The following CNTNAP2 variants were observed in gnomAD, a reference collection of about 807,000 sequenced individuals.
CNTNAP2 encodes the protein contactin-associated protein-like 2.
A neutral mutation model predicts 155.2 loss-of-function variants in CNTNAP2; 98 were observed. The observed-to-expected ratio is 0.63, with a 90% CI of 0.54 to 0.75. CNTNAP2 has a LOEUF of 0.75. Among genes scored for constraint, CNTNAP2 ranks in the 30% least tolerant of loss-of-function variants. The probability of loss-of-function intolerance (pLI) is 0.00; values close to 1 mark genes in which losing one functional copy is unlikely to be tolerated. For missense variants in CNTNAP2, 1,727 were observed against 1,688.1 expected (o/e 1.02, Z -0.40); for synonymous variants, 651 against 631.2 (o/e 1.03, Z -0.47).
At chr7:147,690,508 A>C (rs1796071812) in intron 13 of CNTNAP2, among the ~76,000 whole-genome samples, 1 of 152,172 alleles carries the variant, frequency 6.6e-6, no homozygotes, top group South Asian at 2.1e-4. Flanking sequence ...CCACAATCAT[A>C]CATAGACTCT....
chr7:147,278,086 A>C (rs1292619058), intron 8 of CNTNAP2, among the ~76,000 whole-genome samples: 1 of 149,438 alleles, frequency 6.7e-6, no homozygotes, highest in Admixed American at 6.7e-5. Context: ...ATGGATATTC[A>C]TTTATATATT....
At chr7:147,726,111 G>T (rs982702411) in intron 13 of CNTNAP2, among the ~76,000 whole-genome samples, 2 of 151,894 alleles carry the variant, frequency 1.3e-5, no homozygotes, top group African/African-American at 4.8e-5. Context: ...GGAATCAGGG[G>T]GATAACGAGA....
rs564628092 is a variant in CNTNAP2, at chr7:146,624,661, A to G, written c.98-149610A>G. Among the ~76,000 whole-genome samples, 3 of 152,050 alleles carry G rather than the reference A, an allele frequency of 2.0e-5. No individual in the cohort carries two copies. The South Asian group carries it at 6.2e-4, about 31-fold the overall frequency. ...TTTATTTGTCTTGGAATACAGTAGCATGAGTCCTTCAGTTTGTTCTTTTTT... is the reference window on the plus strand; with the variant it reads ...TTTATTTGTCTTGGAATACAGTAGCGTGAGTCCTTCAGTTTGTTCTTTTTT... On this transcript the variant is annotated intron_variant, in intron 1 of 23. Transcript: ENST00000361727.
intron 8 of CNTNAP2, among the ~76,000 whole-genome samples, chr7:147,138,851 T>G (rs1408415539): frequency 6.6e-6 from 1 of 152,024 alleles, no homozygotes; most frequent in Non-Finnish European, 1.5e-5. Flanking sequence ...AATAATTTTT[T>G]AAAATTCCAA....
At chr7:148,144,863 C>A (rs1563213938) in intron 16 of CNTNAP2, among the ~76,000 whole-genome samples, 1 of 152,000 alleles carries the variant, frequency 6.6e-6, no homozygotes, top group Non-Finnish European at 1.5e-5. Flanking sequence ...CCCTTTTATT[C>A]GCTCACTCTC....
rs370251937 is a variant in CNTNAP2 at position 148,294,390 on chromosome 7, C to T, written c.3475+27264C>T. Among the ~76,000 whole-genome samples the T allele has an allele frequency of 1.5e-4, 23 of 152,266 alleles. No individual in the cohort carries two copies. In the South Asian group the frequency reaches 4.3e-3, roughly 29 times the overall value. Reference sequence around the variant, plus strand: ...AACTAAGCATTGTTAGTTTTATGTACGGCTAACTTAAGAAATAAACTCACT... The same window carrying T: ...AACTAAGCATTGTTAGTTTTATGTATGGCTAACTTAAGAAATAAACTCACT... On this transcript the variant is annotated intron_variant, in intron 21 of 23. Coordinates refer to ENST00000361727, the MANE Select transcript of CNTNAP2 (RefSeq NM_014141.6).
chr7:147,313,359 A>T (rs1584865542), intron 9 of CNTNAP2, among the ~76,000 whole-genome samples: 1 of 150,104 alleles, frequency 6.7e-6, no homozygotes, highest in African/African-American at 2.5e-5. Context: ...CTGAATGGTA[A>T]TGCCTAGGTT....
intron 1 of CNTNAP2, among the ~76,000 whole-genome samples, chr7:146,619,464 A>G (rs2129155980): frequency 6.6e-6 from 1 of 152,284 alleles, no homozygotes; most frequent in African/African-American, 2.4e-5. Context: ...AACTTTGTTG[A>G]ATTTAATTAT....
intron 3 of CNTNAP2, among the ~76,000 whole-genome samples, chr7:146,992,494 CA>C (rs1343339001): frequency 2.0e-5 from 3 of 152,122 alleles, no homozygotes; most frequent in Non-Finnish European, 4.4e-5. Context: ...GGACTCTCAG[CA>C]AAGCCGGAGT....
intron 9 of CNTNAP2, among the ~76,000 whole-genome samples, chr7:147,364,030 T>C (rs1045138517): frequency 9.8e-5 from 15 of 152,304 alleles, no homozygotes; most frequent in African/African-American, 3.6e-4. Context: ...GAATACATGC[T>C]TGTAGAAAAG....
At chr7:146,339,859 T>C (rs1248183285) in intron 1 of CNTNAP2, among the ~76,000 whole-genome samples, 2 of 152,068 alleles carry the variant, frequency 1.3e-5, no homozygotes, top group Non-Finnish European at 2.9e-5. Context: ...CGGAGTAATA[T>C]AATGTTATTA....
At chr7:147,041,274 G>C (rs753970660) in intron 3 of CNTNAP2, among the ~76,000 whole-genome samples, 6 of 152,058 alleles carry the variant, frequency 3.9e-5, no homozygotes, top group South Asian at 4.2e-4. Flanking sequence ...GAACACCCTT[G>C]GTTCATGTTT....
At chr7:146,670,793 A>T (rs1371325843) in intron 1 of CNTNAP2, among the ~76,000 whole-genome samples, 1 of 152,130 alleles carries the variant, frequency 6.6e-6, no homozygotes, top group East Asian at 1.9e-4. Context: ...GACCATTCTC[A>T]CTATAGTCAT....
intron 9 of CNTNAP2, among the ~76,000 whole-genome samples, chr7:147,336,927 A>C (rs796641811): frequency 2.0e-5 from 3 of 152,258 alleles, no homozygotes; most frequent in African/African-American, 7.2e-5. Flanking sequence ...GAATTTTATA[A>C]TTAAGGGCCA....
At chr7:147,430,985 T>G (rs1797456328) in intron 10 of CNTNAP2, among the ~76,000 whole-genome samples, 1 of 151,260 alleles carries the variant, frequency 6.6e-6, no homozygotes, top group Non-Finnish European at 1.5e-5. Context: ...GAGGCGGAGC[T>G]TGCAGTAAGC....
intron 1 of CNTNAP2, among the ~76,000 whole-genome samples, chr7:146,272,155 C>G (rs1022799392): frequency 3.9e-5 from 6 of 152,086 alleles, no homozygotes; most frequent in Non-Finnish European, 7.4e-5. Context: ...TCAGGATCCT[C>G]ACAATCATTG....
At chr7:148,265,696 C>T (rs1043256489) in intron 20 of CNTNAP2, among the ~76,000 whole-genome samples, 2 of 152,158 alleles carry the variant, frequency 1.3e-5, no homozygotes, top group Admixed American at 1.3e-4. Flanking sequence ...GGCAATACTA[C>T]TCATGCACAA....
intron 15 of CNTNAP2, among the ~76,000 whole-genome samples, chr7:148,059,603 A>G (rs1050567606): frequency 1.3e-5 from 2 of 150,656 alleles, no homozygotes; most frequent in African/African-American, 4.9e-5. Flanking sequence ...AAAAAAAAAA[A>G]AAAAGAAAGA....
In CNTNAP2 at chr7:147,549,412, G is replaced by T. The variant is rs919369199; in HGVS notation, c.1778-12726G>T. Among the ~76,000 whole-genome samples the T allele has an allele frequency of 2.6e-5, 4 of 152,112 alleles. No individual in the cohort carries two copies. The South Asian group carries it at 8.3e-4, about 32-fold the overall frequency. Reference sequence around the variant, plus strand: ...TTTGGCTCTCTGCTTACCTATTGTTGGTGTAAAGGAATTCTTGTGATTTTT... The same window carrying T: ...TTTGGCTCTCTGCTTACCTATTGTTTGTGTAAAGGAATTCTTGTGATTTTT... On this transcript the variant is annotated intron_variant, in intron 11 of 23. Transcript: ENST00000361727.
Sources: allele counts gnomAD v4.1 joint callset (sites outside exome capture counted in the v4.1 genomes callset), GRCh38; gene constraint gnomAD v4.1.1; transcripts MANE v1.5; gene names NCBI Gene and HGNC (gene_info 2026-07-23, HGNC 2026-07-21).